MTMR12: variants seen among roughly 807,000 people sequenced by gnomAD.
MTMR12 encodes myotubularin-related protein 12.
A neutral mutation model predicts 96.7 loss-of-function variants in MTMR12; 33 were observed. The observed-to-expected ratio is 0.34, with a 90% confidence interval of 0.26 to 0.46. MTMR12 has a LOEUF of 0.46. Among genes scored for constraint, MTMR12 ranks in the 20% least tolerant of loss-of-function variants. The probability of loss-of-function intolerance (pLI) is 1.00; values close to 1 mark genes in which losing one functional copy is unlikely to be tolerated. For synonymous variants in MTMR12, 298 were observed against 327.2 expected (o/e 0.91, Z 0.96); for missense variants, 721 against 896.1 (o/e 0.80, Z 2.49).
chr5:32,255,371 C>G (rs966771518), intron 8 of MTMR12, among the ~76,000 whole-genome samples: 4 of 152,314 alleles, frequency 2.6e-5, no homozygotes, highest in African/African-American at 7.2e-5. Flanking sequence ...AGCTTAAATC[C>G]TACTACCCTT....
Position 32,248,873 on chromosome 5 carries a change from C to A in MTMR12, c.795G>T (p.Trp265Cys). ...QRFQGHGIPIWCWSCHNGSAL... is the reference protein window; with the variant it reads ...QRFQGHGIPICCWSCHNGSAL... Reference sequence around the variant, plus strand: ...CACTTCCATTGTGGCAGGACCAACACCATATCTGTAGAAACAAATAAAGCT... The same window carrying A: ...CACTTCCATTGTGGCAGGACCAACAACATATCTGTAGAAACAAATAAAGCT... Residue 265 changes from tryptophan (W) to cysteine (C), a missense_variant, in exon 9 of 16, where the codon TGG becomes TGT. Transcript: ENST00000382142. 6.2e-7 allele frequency: 1 copy of A among 1,612,498 alleles called. No individual in the cohort carries two copies.
At chr5:32,237,671 CGGCTAATTTTTTGTATTTTTAGTA>C (rs1561741429) in intron 13 of MTMR12, among the ~76,000 whole-genome samples, 1 of 152,006 alleles carries the variant, frequency 6.6e-6, no homozygotes, top group East Asian at 2.0e-4. Context: ...CCACCACACC[CGGCTAATTTTTTGTATTTTTAGTA>C]GAGACGGGGT....
chr5:32,263,036 C>G, intron 7 of MTMR12, 77 bp downstream of exon 7: 2 of 1,551,946 alleles, frequency 1.3e-6, no homozygotes, highest in Non-Finnish European at 1.8e-6. Context: ...ACTGCACAAC[C>G]CTGTGAATAT....
intron 1 of MTMR12, among the ~76,000 whole-genome samples, chr5:32,279,605 A>G (rs1463777362): frequency 6.6e-6 from 1 of 152,248 alleles, no homozygotes; most frequent in African/African-American, 2.4e-5. Flanking sequence ...ACAAATAAGA[A>G]AAATTCCGTT....
At chr5:32,247,631 G>C in intron 10 of MTMR12, 2 of 681,114 alleles carry the variant, frequency 2.9e-6, no homozygotes, top group Non-Finnish European at 3.6e-6. Context: ...AAAGTCTACA[G>C]AGGAAAACGA....
chr5:32,232,890 T>C lies in MTMR12; in HGVS notation c.1674+883A>G, dbSNP rs185773374. ...TGACACCAGAAAGGGCCAGGCTTTCTGAAGCCCTCCAGATCAGGCAGGATA... is the reference window on the plus strand; with the variant it reads ...TGACACCAGAAAGGGCCAGGCTTTCCGAAGCCCTCCAGATCAGGCAGGATA... On this transcript the variant is annotated intron_variant, in intron 15 of 15. Coordinates refer to ENST00000382142, the MANE Select transcript of MTMR12 (RefSeq NM_001040446.3). The C allele has an allele frequency of 4.2e-5, 38 of 908,230 alleles. 1 individual carries two copies. In the Admixed American group the frequency reaches 2.3e-3, roughly 55 times the overall value. The allele number at this position is 908,230 out of a possible 1,614,324, so 56.3% of individuals were successfully genotyped here. A position where few individuals can be genotyped will look rare whatever the true frequency, so the allele number is the denominator to read the frequency against.
intron 8 of MTMR12, among the ~76,000 whole-genome samples, chr5:32,252,096 T>A (rs1748951619): frequency 1.3e-5 from 2 of 152,160 alleles, no homozygotes; most frequent in African/African-American, 2.4e-5. Context: ...ATAACAATAT[T>A]CATTTGTCCC....
Position 32,262,303 on chromosome 5 carries a change from T to C in MTMR12, c.713+810A>G, listed in dbSNP as rs553780424. Among the ~76,000 whole-genome samples, 3 of 152,254 alleles carry C rather than the reference T, an allele frequency of 2.0e-5. No individual in the cohort carries two copies. In the East Asian group the frequency reaches 5.8e-4, roughly 29 times the overall value. Reference sequence around the variant, plus strand: ...ACAAAAATTTATAATTGAATGTTCATATCAATATTATTCATGGCCAGGCAT... The same window carrying C: ...ACAAAAATTTATAATTGAATGTTCACATCAATATTATTCATGGCCAGGCAT... On this transcript the variant is annotated intron_variant, in intron 7 of 15. Transcript: ENST00000382142.
chr5:32,289,465 C>T (rs1409296101), intron 1 of MTMR12, among the ~76,000 whole-genome samples: 1 of 152,192 alleles, frequency 6.6e-6, no homozygotes, highest in African/African-American at 2.4e-5. Context: ...TTCTCTCATC[C>T]TTCCCCAAGG....
intron 10 of MTMR12, among the ~76,000 whole-genome samples, chr5:32,246,923 A>T (rs1211317263): frequency 6.6e-6 from 1 of 152,204 alleles, no homozygotes; most frequent in Non-Finnish European, 1.5e-5. Context: ...TTGGGGTAAA[A>T]AAGTTTTGGA....
chr5:32,245,868 T>C (rs1015914435), intron 10 of MTMR12, among the ~76,000 whole-genome samples: 4 of 152,116 alleles, frequency 2.6e-5, no homozygotes, highest in African/African-American at 9.7e-5. Flanking sequence ...TTTTTGTGCT[T>C]TGGTCAGAAA....
At chr5:32,298,674 C>T (rs1467946155) in intron 1 of MTMR12, among the ~76,000 whole-genome samples, 1 of 151,940 alleles carries the variant, frequency 6.6e-6, no homozygotes, top group African/African-American at 2.4e-5. Context: ...TGAGGCCAGG[C>T]GCAGTGGCTC....
intron 1 of MTMR12, among the ~76,000 whole-genome samples, chr5:32,288,854 G>C (rs948934662): frequency 6.6e-6 from 1 of 152,322 alleles, no homozygotes; most frequent in African/African-American, 2.4e-5. Flanking sequence ...AGGGAGATTG[G>C]GATGGTGGAG....
rs373493828 is a variant in MTMR12, at chr5:32,235,260, T to C, written c.1345-131A>G. The C allele has an allele frequency of 2.4e-5, 18 of 751,040 alleles. No homozygotes were observed. In the African/African-American group the frequency reaches 3.0e-4, roughly 13 times the overall value. 46.5% of individuals were successfully genotyped at this position (751,040 alleles called of 1,614,324 possible). On this transcript the variant is annotated intron_variant, in intron 13 of 15. Coordinates refer to ENST00000382142, the MANE Select transcript of MTMR12 (RefSeq NM_001040446.3). ...ACTTCATTCTCTGGGAAACACAGAA[T>C]ACTCCATACCATCCCAAGTGAGAAA...
At chr5:32,307,111 T>C (rs1427169883) in intron 1 of MTMR12, among the ~76,000 whole-genome samples, 1 of 152,206 alleles carries the variant, frequency 6.6e-6, no homozygotes, top group Admixed American at 6.5e-5. Context: ...TTGGTTAAAA[T>C]ATATATATAC....
intron 1 of MTMR12, among the ~76,000 whole-genome samples, chr5:32,296,704 G>A (rs1750939707): frequency 6.6e-6 from 1 of 151,922 alleles, no homozygotes; most frequent in African/African-American, 2.4e-5. Context: ...AGTAGGCTGA[G>A]GTGGGAGGAT....
At chr5:32,287,142 C>T (rs1750569165) in intron 1 of MTMR12, among the ~76,000 whole-genome samples, 6 of 152,178 alleles carry the variant, frequency 3.9e-5, no homozygotes. Context: ...GAAATTAGTT[C>T]CAGGCAGAAT....
At chr5:32,302,349 C>T (rs1351215107) in intron 1 of MTMR12, among the ~76,000 whole-genome samples, 1 of 152,176 alleles carries the variant, frequency 6.6e-6, no homozygotes, top group Non-Finnish European at 1.5e-5. Context: ...ATTTGATTTA[C>T]TCATATCTTA....
chr5:32,272,070 T>C (rs1332512848), intron 3 of MTMR12, among the ~76,000 whole-genome samples, 165 bp from the exon 4 acceptor site: 1 of 152,058 alleles, frequency 6.6e-6, no homozygotes, highest in Non-Finnish European at 1.5e-5. Context: ...CGCGGGCGGA[T>C]CACGAGGTCA....
Sources: allele counts gnomAD v4.1 joint callset (sites outside exome capture counted in the v4.1 genomes callset), GRCh38; gene constraint gnomAD v4.1.1; transcripts MANE v1.5; gene names NCBI Gene and HGNC (gene_info 2026-07-23, HGNC 2026-07-21).